Variants in RREB1 observed in about 807,000 individuals in gnomAD.
The protein encoded by RREB1 is ras responsive element binding protein 1.
RREB1 carries 27 observed loss-of-function variants against 117.8 expected under a neutral mutation model. The ratio of observed to expected loss-of-function variants is 0.23; its 90% CI spans 0.17 to 0.32. The LOEUF (loss-of-function observed/expected upper bound fraction) is 0.32, where lower values mean the gene tolerates loss of function less well. RREB1 is among the 10% of genes least tolerant of loss of function. The probability of loss-of-function intolerance (pLI) is 1.00; values close to 1 mark genes in which losing one functional copy is unlikely to be tolerated. For synonymous variants in RREB1, 1,298 were observed against 1,026.7 expected (o/e 1.26, Z -5.05); for missense variants, 2,577 against 2,378.2 (o/e 1.08, Z -1.74).
chr6:7,158,418 C>T (rs1028041405), intron 1 of RREB1, among the ~76,000 whole-genome samples: 1 of 152,164 alleles, frequency 6.6e-6, no homozygotes, highest in African/African-American at 2.4e-5. Context: ...CCCTACTGCC[C>T]CAGACCCAAC....
Position 7,193,021 on chromosome 6 carries a change from T to C in RREB1, c.425+3699T>C, listed in dbSNP as rs78826042. On this transcript the variant is annotated intron_variant, in intron 6 of 12. Transcript: ENST00000379938. The stretch of plus-strand genomic sequence containing the variant: ...ATCTCAGCATATTTTCTAATTTCCC[T>C]TGTGAGTTCTTCTTTGACCCATTGG... 4.5e-3 allele frequency among the ~76,000 whole-genome samples: 685 copies of C among 152,332 alleles called. 3 individuals are homozygous for C. Among genetic ancestry groups the C allele is most frequent in the African/African-American group, 0.015 (642 of 41,578 alleles).
At chr6:7,141,658 T>A (rs905173967) in intron 1 of RREB1, among the ~76,000 whole-genome samples, 19 of 152,380 alleles carry the variant, frequency 1.2e-4, no homozygotes, top group Admixed American at 1.2e-3. Flanking sequence ...GGGTATTTCA[T>A]GATGGGTAGC....
At chr6:7,190,957 C>A (rs1332927022) in intron 6 of RREB1, among the ~76,000 whole-genome samples, 1 of 152,258 alleles carries the variant, frequency 6.6e-6, no homozygotes, top group East Asian at 1.9e-4. Context: ...GGTAAAGAGG[C>A]CCCTCCTAGT....
chr6:7,242,850 A>G (rs1768799555), intron 11 of RREB1, among the ~76,000 whole-genome samples: 1 of 152,152 alleles, frequency 6.6e-6, no homozygotes, highest in Non-Finnish European at 1.5e-5. Context: ...AAGAATGCTA[A>G]AAATGCCACA....
In RREB1 at chr6:7,246,992, C is replaced by T. The variant is rs1347163094; in HGVS notation, c.4542C>T (p.Ala1514=). The T allele has an allele frequency of 3.1e-6, 5 of 1,595,146 alleles. No homozygotes were observed. Among genetic ancestry groups the T allele is most frequent in the Non-Finnish European group, 4.3e-6 (5 of 1,171,528 alleles). ...AGGTGGTGGAGTCGGCCCCGGGTGCCGGGGAGGCCCCGGCGGAAAAGCTCG... is the reference window on the plus strand; with the variant it reads ...AGGTGGTGGAGTCGGCCCCGGGTGCTGGGGAGGCCCCGGCGGAAAAGCTCG... ...PAEVVESAPG[A]GEAPAEKLAE... is the part of the protein sequence containing the mutation. The change falls in exon 12 of 13, where the codon GCC becomes GCT. Residue 1514 remains alanine (A), a synonymous_variant. Coordinates refer to ENST00000379938, the MANE Select transcript of RREB1 (RefSeq NM_001003699.4).
chr6:7,236,904 T>TTTTC, intron 10 of RREB1, among the ~76,000 whole-genome samples: 1 of 139,156 alleles, frequency 7.2e-6, no homozygotes, highest in African/African-American at 2.7e-5. Context: ...TTTTTTTTTT[T>TTTTC]TTTTTTTTGA....
intron 1 of RREB1, among the ~76,000 whole-genome samples, chr6:7,115,106 G>C (rs1581400184): frequency 1.3e-5 from 2 of 151,152 alleles, no homozygotes; most frequent in Admixed American, 1.3e-4. Flanking sequence ...TTACATAACC[G>C]TCTGCCGTTT....
Position 7,249,057 on chromosome 6 carries a change from A to AGGAG in RREB1, c.*90_*93dup. The AGGAG allele has an allele frequency of 1.5e-6, 1 of 674,636 alleles. No individual in the cohort carries two copies. Among genetic ancestry groups the AGGAG allele is most frequent in the Non-Finnish European group, 2.3e-6 (1 of 443,838 alleles). The allele number at this position is 674,636 out of a possible 1,614,324, so 41.8% of individuals were successfully genotyped here. ...TTTCCTCAGTGCCCTTTGGCTGTTG[A>AGGAG]GGAGTGAGAGAGAGAGAGAGAGAGA... On this transcript the variant is annotated 3_prime_UTR_variant, in exon 13 of 13. Coordinates refer to ENST00000379938, the MANE Select transcript of RREB1 (RefSeq NM_001003699.4).
chr6:7,231,786 C>G lies in RREB1; in HGVS notation c.3687C>G (p.Asp1229Glu). The part of the protein sequence containing the change: ...SDEEQGSPPE[D>E]KLLRAKRNSY... The stretch of plus-strand genomic sequence containing the variant: ...AAGAGCAGGGCAGTCCCCCAGAAGA[C>G]AAGCTGCTGAGGGCCAAGCGGAACT... The change falls in exon 10 of 13, where the codon GAC becomes GAG. Residue 1229 changes from aspartate (D) to glutamate (E), a missense_variant. Physicochemically the swap from Asp to Glu is conservative, Grantham distance 45 (BLOSUM62 2). Coordinates refer to ENST00000379938, the MANE Select transcript of RREB1 (RefSeq NM_001003699.4). 1 of 1,613,798 alleles carries G rather than the reference C, an allele frequency of 6.2e-7. No homozygotes were observed.
Position 7,249,157 on chromosome 6 carries a change from C to T in RREB1, c.*189C>T, listed in dbSNP as rs779212816. On this transcript the variant is annotated 3_prime_UTR_variant, in exon 13 of 13. Transcript: ENST00000379938. Reference sequence around the variant, plus strand: ...TGCCATAGCCTTACCGCAGCCTGCGCGGGAGGCCACAGCCCGTGCCGATTC... The same window carrying T: ...TGCCATAGCCTTACCGCAGCCTGCGTGGGAGGCCACAGCCCGTGCCGATTC... 1.2e-4 allele frequency: 65 copies of T among 544,590 alleles called. No individual in the cohort carries two copies. Among genetic ancestry groups the T allele is most frequent in the Non-Finnish European group, 1.8e-4 (57 of 316,042 alleles). The allele number at this position is 544,590 out of a possible 1,614,324, so 33.7% of individuals were successfully genotyped here.
intron 6 of RREB1, among the ~76,000 whole-genome samples, chr6:7,203,816 C>T (rs571673655): frequency 1.3e-5 from 2 of 152,216 alleles, no homozygotes; most frequent in Non-Finnish European, 2.9e-5. Context: ...TTGTAGAAGA[C>T]ATCCATGCTG....
chr6:7,170,393 A>G (rs1006165585), intron 1 of RREB1, among the ~76,000 whole-genome samples: 1 of 152,136 alleles, frequency 6.6e-6, no homozygotes, highest in Non-Finnish European at 1.5e-5. Context: ...CTCACTCCTC[A>G]CTGCCCAGGA....
Position 7,230,888 on chromosome 6 carries a change from G to C in RREB1, c.2789G>C (p.Cys930Ser), listed in dbSNP as rs1161456161. 3 of 1,614,182 alleles carry C rather than the reference G, an allele frequency of 1.9e-6. No individual in the cohort carries two copies. In the Admixed American group the frequency reaches 5.0e-5, roughly 27 times the overall value. Reference protein sequence around the residue: ...LSPSSLVPYDCSMEPIDLSIP... With the variant: ...LSPSSLVPYDSSMEPIDLSIP... Reference sequence around the variant, plus strand: ...CCTTCTTCCCTGGTCCCCTATGACTGCTCCATGGAGCCCATCGACCTGTCC... The same window carrying C: ...CCTTCTTCCCTGGTCCCCTATGACTCCTCCATGGAGCCCATCGACCTGTCC... Residue 930 changes from cysteine to serine, a missense_variant, in exon 10 of 13, where the codon TGC becomes TCC. Coordinates refer to ENST00000379938, the MANE Select transcript of RREB1 (RefSeq NM_001003699.4).
chr6:7,247,923 C>A (rs935999408), intron 12 of RREB1, among the ~76,000 whole-genome samples: 3 of 152,204 alleles, frequency 2.0e-5, no homozygotes, highest in African/African-American at 7.2e-5. Context: ...AGCTGCAGCC[C>A]GCAGTGAACA....
At chr6:7,187,270 A>G (rs1020857682) in intron 4 of RREB1, among the ~76,000 whole-genome samples, 164 bp from the exon 5 acceptor site, 2 of 152,178 alleles carry the variant, frequency 1.3e-5, no homozygotes, top group Admixed American at 1.3e-4. Context: ...GAGGAAACTG[A>G]GGCAGACAGG....
intron 1 of RREB1, among the ~76,000 whole-genome samples, chr6:7,142,929 A>G (rs1261384569): frequency 6.6e-6 from 1 of 152,226 alleles, no homozygotes; most frequent in Non-Finnish European, 1.5e-5. Flanking sequence ...CTGGTGGAGC[A>G]TGAACCAGTG....
intron 8 of RREB1, among the ~76,000 whole-genome samples, chr6:7,221,379 A>G (rs1438911339): frequency 1.3e-5 from 2 of 151,726 alleles, no homozygotes; most frequent in Non-Finnish European, 2.9e-5. Flanking sequence ...TCACCTTGTT[A>G]GCCAGGATGG....
intron 1 of RREB1, among the ~76,000 whole-genome samples, chr6:7,149,309 C>A (rs1410836036): frequency 6.6e-6 from 1 of 152,052 alleles, no homozygotes; most frequent in East Asian, 1.9e-4. Flanking sequence ...GCAAATGATA[C>A]CAAAGATCCC....
chr6:7,231,610 G>A lies in RREB1; in HGVS notation c.3511G>A (p.Asp1171Asn), dbSNP rs9379084. The change falls in exon 10 of 13, where the codon GAC (aspartate) becomes AAC (asparagine). Residue 1171 changes from aspartate to asparagine, a missense_variant. By Grantham distance (23) the Asp-to-Asn change is conservative. Transcript: ENST00000379938. Reference sequence around the variant, plus strand: ...ACCCCGCGCCAACAGCGGCGGGGTGGACCTGGACTCCAGCGGGGAGTTTGC... The same window carrying A: ...ACCCCGCGCCAACAGCGGCGGGGTGAACCTGGACTCCAGCGGGGAGTTTGC... ...SRPRANSGGV[D>N]LDSSGEFASI... 0.11 allele frequency: 183,960 copies of A among 1,611,528 alleles called. 11,452 individuals are homozygous for A. Among genetic ancestry groups the A allele is most frequent in the East Asian group, 0.2 (8,863 of 44,814 alleles).
Sources: allele counts gnomAD v4.1 joint callset (sites outside exome capture counted in the v4.1 genomes callset), GRCh38; gene constraint gnomAD v4.1.1; transcripts MANE v1.5; gene names NCBI Gene and HGNC (gene_info 2026-07-23, HGNC 2026-07-21).